Variants in NET1 observed in about 807,000 individuals in gnomAD.
The protein encoded by NET1 is neuroepithelial cell-transforming gene 1 protein.
A neutral mutation model predicts 61.1 loss-of-function variants in NET1; 42 were observed. That is an observed-to-expected ratio of 0.69 (90% CI 0.54 to 0.89). The LOEUF is 0.89. NET1 is among the 40% of genes least tolerant of loss of function. The pLI is 0.00. For synonymous variants in NET1, 254 were observed against 281.8 expected (o/e 0.90, Z 0.99); for missense variants, 654 against 747.3 (o/e 0.88, Z 1.46).
rs1463757068 is a variant in NET1 at position 5,421,469 on chromosome 10, A to G, written c.129-5186A>G. Among the ~76,000 whole-genome samples, 1 of 152,194 alleles carries G rather than the reference A, an allele frequency of 6.6e-6. No homozygotes were observed. Among genetic ancestry groups the G allele is most frequent in the Non-Finnish European group, 1.5e-5 (1 of 68,032 alleles). On this transcript the variant is annotated intron_variant, in intron 1 of 11. Coordinates refer to ENST00000355029, the MANE Select transcript of NET1 (RefSeq NM_001047160.3). The surrounding 1 kb of genome is among the most constrained non-coding windows in gnomAD (Gnocchi z 4.2). ...CTTTGAATTTTGTTTTTCCAGTAAAATTAATTGATGGATTTGTACAGTGGA... is the reference window on the plus strand; with the variant it reads ...CTTTGAATTTTGTTTTTCCAGTAAAGTTAATTGATGGATTTGTACAGTGGA...
rs779038617 is a variant in NET1, at chr10:5,451,787, G to T, written c.256-43G>T. The T allele has an allele frequency of 1.7e-5, 25 of 1,457,140 alleles. No homozygotes were observed. Among genetic ancestry groups the T allele is most frequent in the Non-Finnish European group, 2.3e-5 (24 of 1,049,112 alleles). The allele number at this position is 1,457,140 out of a possible 1,614,324, so 90.3% of individuals were successfully genotyped here. The stretch of plus-strand genomic sequence containing the variant: ...TTGTCCAAGTTTGTATGAAATCATT[G>T]CACCTAGACATATATTTAGTGTCAT... On this transcript the variant is annotated intron_variant, in intron 3 of 11. Coordinates refer to ENST00000355029, the MANE Select transcript of NET1 (RefSeq NM_001047160.3). The surrounding 1 kb of genome is among the most constrained non-coding windows in gnomAD (Gnocchi z 6.1).
At position 5,424,959 on chromosome 10, in the gene NET1, C is replaced by T. The variant is rs967051793; in HGVS notation, c.129-1696C>T. 1.2e-4 allele frequency among the ~76,000 whole-genome samples: 18 copies of T among 152,290 alleles called. 1 individual carries two copies. Among genetic ancestry groups the T allele is most frequent in the African/African-American group, 3.8e-4 (16 of 41,570 alleles). On this transcript the variant is annotated intron_variant, in intron 1 of 11. Coordinates refer to ENST00000355029, the MANE Select transcript of NET1 (RefSeq NM_001047160.3). The surrounding 1 kb of genome is among the most constrained non-coding windows in gnomAD (Gnocchi z 6.1). ...TTGCCTTCTTACAATCTATTGTTCA[C>T]GTTACTTAAGATTCAATGGCTGCCA...
chr10:5,454,951 T>C lies in NET1; in HGVS notation c.1030T>C (p.Leu344=), dbSNP rs1832772844. Residue 344 remains leucine, a synonymous_variant, in exon 10 of 12, where the codon TTG becomes CTG. Transcript: ENST00000355029. This position sits in a 1 kb window ranked among gnomAD's most constrained non-coding sequence, Gnocchi z 8.1. ...CAATTTTATTTATCATTTTCAGATA[T>C]TGATAATACAGGGAGTCCTCTCTGA... ...PDVQLLEDAI[L]IIQGVLSDIN... 8.7e-6 allele frequency: 14 copies of C among 1,613,280 alleles called. No individual in the cohort carries two copies. The highest frequency in any genetic ancestry group is 1.2e-5 in the Non-Finnish European group (14 of 1,179,498).
In NET1 at chr10:5,456,373, G is replaced by T. The variant is rs1463831605; in HGVS notation, c.1384+100G>T. 3 of 1,207,688 alleles carry T rather than the reference G, an allele frequency of 2.5e-6. No homozygotes were observed. The highest frequency in any genetic ancestry group is 3.4e-6 in the Non-Finnish European group (3 of 884,566). 74.8% of individuals were successfully genotyped at this position (1,207,688 alleles called of 1,614,324 possible). A position where few individuals can be genotyped will look rare whatever the true frequency, so the allele number is the denominator to read the frequency against. ...ATTCTAGAGATGAAATGGCTCCATT[G>T]TCCTATACTTGTTACATCCATTGAG... is the stretch of plus-strand genomic sequence containing the variant. On this transcript the variant is annotated intron_variant, in intron 11 of 11. Transcript: ENST00000355029. This position sits in a 1 kb window ranked among gnomAD's most constrained non-coding sequence, Gnocchi z 7.0.
At position 5,427,258 on chromosome 10, in the gene NET1, AATAC is replaced by A. The variant is rs1218589964; in HGVS notation, c.195+541_195+544del. Among the ~76,000 whole-genome samples the A allele has an allele frequency of 1.3e-5, 2 of 152,174 alleles. No homozygotes were observed. The highest frequency in any genetic ancestry group is 2.9e-5 in the Non-Finnish European group (2 of 68,006). ...TTGTACTTAAAACTTATTAGCTCAT[AATAC>A]ATATATAAAGTACGTACAAATAGAT... On this transcript the variant is annotated intron_variant, in intron 2 of 11. Transcript: ENST00000355029. This position sits in a 1 kb window ranked among gnomAD's most constrained non-coding sequence, Gnocchi z 4.1.
At position 5,449,071 on chromosome 10, in the gene NET1, G is replaced by A. The variant is rs1832664465; in HGVS notation, c.256-2759G>A. Reference sequence around the variant, plus strand: ...AATTTTTGTCCCAATCTTTTAGGTGGCCTGTGAATGCCTAAACCATGTCAC... The same window carrying A: ...AATTTTTGTCCCAATCTTTTAGGTGACCTGTGAATGCCTAAACCATGTCAC... On this transcript the variant is annotated intron_variant, in intron 3 of 11. Transcript: ENST00000355029. The surrounding 1 kb of genome is among the most constrained non-coding windows in gnomAD (Gnocchi z 4.4). 2.0e-5 allele frequency among the ~76,000 whole-genome samples: 3 copies of A among 152,098 alleles called. No homozygotes were observed. Among genetic ancestry groups the A allele is most frequent in the Non-Finnish European group, 4.4e-5 (3 of 68,022 alleles).
rs117239363 is a variant in NET1 at position 5,440,879 on chromosome 10, G to C, written c.256-10951G>C. Among the ~76,000 whole-genome samples the C allele has an allele frequency of 6.6e-6, 1 of 152,150 alleles. No individual in the cohort carries two copies. The highest frequency in any genetic ancestry group is 2.4e-5 in the African/African-American group (1 of 41,430). The stretch of plus-strand genomic sequence containing the variant: ...TTATCACCATTTTACTAGTGAGTGA[G>C]TCTGTTTCAGAGTCCCATCCTGTGT... On this transcript the variant is annotated intron_variant, in intron 3 of 11. Transcript: ENST00000355029. The surrounding 1 kb of genome is among the most constrained non-coding windows in gnomAD (Gnocchi z 4.1).
chr10:5,432,752 T>A (rs958579137), intron 3 of NET1, among the ~76,000 whole-genome samples: 8 of 146,312 alleles, frequency 5.5e-5, no homozygotes, highest in South Asian at 2.2e-4. Flanking sequence ...CCTTCCACTT[T>A]TAAAATATAT....
chr10:5,446,788 G>A lies in NET1; in HGVS notation c.256-5042G>A, dbSNP rs1411975504. 6.2e-7 allele frequency: 1 copy of A among 1,607,400 alleles called. No homozygotes were observed. Among genetic ancestry groups the A allele is most frequent in the Non-Finnish European group, 8.5e-7 (1 of 1,176,180 alleles). On this transcript the variant is annotated intron_variant, in intron 3 of 11. Coordinates refer to ENST00000355029, the MANE Select transcript of NET1 (RefSeq NM_001047160.3). The surrounding 1 kb of genome is among the most constrained non-coding windows in gnomAD (Gnocchi z 5.0). The stretch of plus-strand genomic sequence containing the variant: ...AGCATGGTGGCACATGATGAGACTG[G>A]AGGTCTCCTACCTATTAAAAGGACC...
intron 2 of NET1, 32 bp from the exon 3 acceptor site, chr10:5,429,138 A>G: frequency 6.8e-7 from 1 of 1,470,276 alleles, no homozygotes; most frequent in East Asian, 2.3e-5. Context: ...CATTCCTTTT[A>G]TATGAGAATG....
At position 5,452,697 on chromosome 10, in the gene NET1, C is replaced by A; in HGVS notation, c.532-161C>A. 1.1e-6 allele frequency: 1 copy of A among 909,094 alleles called. No individual in the cohort carries two copies. Among genetic ancestry groups the A allele is most frequent in the Non-Finnish European group, 1.7e-6 (1 of 603,380 alleles). The allele number at this position is 909,094 out of a possible 1,614,324, so 56.3% of individuals were successfully genotyped here. ...ACTCTAATAGGGTAAACTTACCAAA[C>A]ATACGGCAACCTTGTATTTGAGATT... On this transcript the variant is annotated intron_variant, in intron 5 of 11. Transcript: ENST00000355029. This position sits in a 1 kb window ranked among gnomAD's most constrained non-coding sequence, Gnocchi z 4.0.
In NET1 at chr10:5,417,595, G is replaced by C. The variant is rs979913158; in HGVS notation, c.128+4775G>C. On this transcript the variant is annotated intron_variant, in intron 1 of 11. Transcript: ENST00000355029. This position sits in a 1 kb window ranked among gnomAD's most constrained non-coding sequence, Gnocchi z 5.5. ...TAGTGGTTTCTTTAGGACTTTCTGTGTACAGGGTCATGTCATCAGCAAATA... is the reference window on the plus strand; with the variant it reads ...TAGTGGTTTCTTTAGGACTTTCTGTCTACAGGGTCATGTCATCAGCAAATA... Among the ~76,000 whole-genome samples the C allele has an allele frequency of 3.3e-5, 5 of 152,128 alleles. No homozygotes were observed. The highest frequency in any genetic ancestry group is 2.0e-4 in the Admixed American group (3 of 15,270).
At chr10:5,436,215 TGTGTGTGTGC>T (rs1213215131) in intron 3 of NET1, among the ~76,000 whole-genome samples, 134 of 72,554 alleles carry the variant, frequency 1.8e-3, no homozygotes, top group African/African-American at 5.8e-3. Flanking sequence ...TGTGTGTGTG[TGTGTGTGTGC>T]ATATATATAT....
Position 5,421,613 on chromosome 10 carries a change from C to A in NET1, c.129-5042C>A, listed in dbSNP as rs553145849. 6.6e-5 allele frequency among the ~76,000 whole-genome samples: 10 copies of A among 152,236 alleles called. No individual in the cohort carries two copies. In the South Asian group the frequency reaches 8.3e-4, roughly 13 times the overall value. ...ACAGAAGCTTGTAAGGCCATGTGGTCCCAAATAAGTTGACTATGTTTTTAA... is the reference window on the plus strand; with the variant it reads ...ACAGAAGCTTGTAAGGCCATGTGGTACCAAATAAGTTGACTATGTTTTTAA... On this transcript the variant is annotated intron_variant, in intron 1 of 11. Transcript: ENST00000355029. This position sits in a 1 kb window ranked among gnomAD's most constrained non-coding sequence, Gnocchi z 4.2.
In NET1 at chr10:5,412,866, G is replaced by A. The variant is rs965949869; in HGVS notation, c.128+46G>A. 3.5e-5 allele frequency: 46 copies of A among 1,307,428 alleles called. No individual in the cohort carries two copies. The highest frequency in any genetic ancestry group is 4.4e-5 in the Non-Finnish European group (45 of 1,020,406). 81.0% of individuals were successfully genotyped at this position (1,307,428 alleles called of 1,614,324 possible). A position where few individuals can be genotyped will look rare whatever the true frequency, so the allele number is the denominator to read the frequency against. ...GGCCGAACGGGAGGTGAGTGTAGGG[G>A]AGCGGAGGGCCGAACGGGAGGTGAG... On this transcript the variant is annotated intron_variant, in intron 1 of 11. Coordinates refer to ENST00000355029, the MANE Select transcript of NET1 (RefSeq NM_001047160.3). This position sits in a 1 kb window ranked among gnomAD's most constrained non-coding sequence, Gnocchi z 6.5.
rs560225507 is a variant in NET1, at chr10:5,449,945, G to A, written c.256-1885G>A. 2.0e-5 allele frequency among the ~76,000 whole-genome samples: 3 copies of A among 152,272 alleles called. No individual in the cohort carries two copies. In the East Asian group the frequency reaches 5.8e-4, roughly 29 times the overall value. On this transcript the variant is annotated intron_variant, in intron 3 of 11. Transcript: ENST00000355029. The surrounding 1 kb of genome is among the most constrained non-coding windows in gnomAD (Gnocchi z 4.4). ...ACTTTCTGACAACTGCTTTGTTCCA[G>A]TGAAATGTCGGCATTTCTTACTCTG...
chr10:5,446,767 T>C lies in NET1; in HGVS notation c.256-5063T>C. ...GGTTTGAGGGAGTACTTGGGAAGCATGGTGGCACATGATGAGACTGGAGGT... is the reference window on the plus strand; with the variant it reads ...GGTTTGAGGGAGTACTTGGGAAGCACGGTGGCACATGATGAGACTGGAGGT... On this transcript the variant is annotated intron_variant, in intron 3 of 11. Transcript: ENST00000355029. This position sits in a 1 kb window ranked among gnomAD's most constrained non-coding sequence, Gnocchi z 5.0. 6.2e-7 allele frequency: 1 copy of C among 1,601,806 alleles called. No individual in the cohort carries two copies. The highest frequency in any genetic ancestry group is 8.5e-7 in the Non-Finnish European group (1 of 1,172,840).
In NET1 at chr10:5,457,026, A is replaced by G. The variant is rs572945914; in HGVS notation, c.*32A>G. 1 of 1,510,478 alleles carries G rather than the reference A, an allele frequency of 6.6e-7. No individual in the cohort carries two copies. The allele number at this position is 1,510,478 out of a possible 1,614,324, so 93.6% of individuals were successfully genotyped here. A position where few individuals can be genotyped will look rare whatever the true frequency, so the allele number is the denominator to read the frequency against. On this transcript the variant is annotated 3_prime_UTR_variant, in exon 12 of 12. Coordinates refer to ENST00000355029, the MANE Select transcript of NET1 (RefSeq NM_001047160.3). This position sits in a 1 kb window ranked among gnomAD's most constrained non-coding sequence, Gnocchi z 5.4. ...CTCTGTGTGTTAACTGATGGGAGAG[A>G]CTGTTTGTTTATAAATGTGTACAGT... is the stretch of plus-strand genomic sequence containing the variant.
rs1405193648 is a variant in NET1 at position 5,457,146 on chromosome 10, C to T, written c.*152C>T. 5 of 595,322 alleles carry T rather than the reference C, an allele frequency of 8.4e-6. No homozygotes were observed. The highest frequency in any genetic ancestry group is 1.3e-5 in the Non-Finnish European group (5 of 387,692). The allele number at this position is 595,322 out of a possible 1,614,324, so 36.9% of individuals were successfully genotyped here. A position where few individuals can be genotyped will look rare whatever the true frequency, so the allele number is the denominator to read the frequency against. ...TTGTTCTTTTTTCTTTTTTTAATGG[C>T]AGCTAAAGATATACAGATTACTGTT... On this transcript the variant is annotated 3_prime_UTR_variant, in exon 12 of 12. Transcript: ENST00000355029. This position sits in a 1 kb window ranked among gnomAD's most constrained non-coding sequence, Gnocchi z 5.4.
Sources: gnomAD v4.1 joint callset for allele counts (sites outside exome capture counted in the v4.1 genomes callset) on GRCh38, gnomAD v4.1.1 for gene constraint, Gnocchi (gnomAD v3.1) non-coding constraint, MANE v1.5 for transcripts, NCBI Gene and HGNC (gene_info 2026-07-23, HGNC 2026-07-21) for gene names.